Variants in CCSER1 observed in about 807,000 individuals in gnomAD.
CCSER1 encodes serine-rich coiled-coil domain-containing protein 1.
A neutral mutation model predicts 82.0 loss-of-function variants in CCSER1; 41 were observed. The observed-to-expected ratio is 0.50, with a 90% CI of 0.39 to 0.65. CCSER1 has a LOEUF of 0.65. CCSER1 is among the 30% of genes least tolerant of loss of function. The probability of loss-of-function intolerance (pLI) is 0.00; values close to 1 mark genes in which losing one functional copy is unlikely to be tolerated. For missense variants in CCSER1, 1,119 were observed against 1,064.2 expected (o/e 1.05, Z -0.72); for synonymous variants, 414 against 383.9 (o/e 1.08, Z -0.92).
At chr4:90,159,366 A>C (rs1473692047) in intron 1 of CCSER1, among the ~76,000 whole-genome samples, 1 of 152,156 alleles carries the variant, frequency 6.6e-6, no homozygotes, top group African/African-American at 2.4e-5. Context: ...TTTATAAAAA[A>C]ATATATTGCA....
chr4:91,447,670 G>A (rs1455377770), intron 10 of CCSER1, among the ~76,000 whole-genome samples: 1 of 151,946 alleles, frequency 6.6e-6, no homozygotes, highest in Non-Finnish European at 1.5e-5. Context: ...ATGATTGATG[G>A]TCTAATAGTA....
chr4:91,163,332 A>G (rs1212654026), intron 10 of CCSER1, among the ~76,000 whole-genome samples: 1 of 152,326 alleles, frequency 6.6e-6, no homozygotes, highest in East Asian at 1.9e-4. Flanking sequence ...ACATTGGCTG[A>G]GGAGTGCTTT....
chr4:91,412,435 C>T (rs542930444), intron 10 of CCSER1, among the ~76,000 whole-genome samples: 1 of 152,102 alleles, frequency 6.6e-6, no homozygotes, highest in African/African-American at 2.4e-5. Flanking sequence ...CTTCCAGAAA[C>T]CTGGAAGAAG....
At chr4:90,264,155 C>T (rs968310341) in intron 1 of CCSER1, among the ~76,000 whole-genome samples, 1 of 152,154 alleles carries the variant, frequency 6.6e-6, no homozygotes, top group Non-Finnish European at 1.5e-5. Context: ...TCCAAATGTG[C>T]TCTTTATTGC....
intron 9 of CCSER1, among the ~76,000 whole-genome samples, chr4:91,049,729 A>G (rs1742831821): frequency 1.3e-5 from 2 of 152,240 alleles, no homozygotes; most frequent in African/African-American, 4.8e-5. Context: ...AATCATTGCA[A>G]TGAGAAATGC....
At chr4:90,409,764 A>C (rs1227888278) in intron 4 of CCSER1, among the ~76,000 whole-genome samples, 1 of 152,244 alleles carries the variant, frequency 6.6e-6, no homozygotes, top group Non-Finnish European at 1.5e-5. Context: ...TGACAGGATC[A>C]AATTCACACA....
At chr4:90,616,309 T>C (rs182937078) in intron 5 of CCSER1, among the ~76,000 whole-genome samples, 1 of 152,058 alleles carries the variant, frequency 6.6e-6, no homozygotes, top group African/African-American at 2.4e-5. Flanking sequence ...TCTAGGAAAC[T>C]TTTTTTTAAT....
intron 5 of CCSER1, among the ~76,000 whole-genome samples, chr4:90,503,536 A>G (rs1770238871): frequency 6.6e-6 from 1 of 152,094 alleles, no homozygotes; most frequent in African/African-American, 2.4e-5. Flanking sequence ...AACATTAGGT[A>G]TATCTCCTAA....
chr4:91,210,207 A>G (rs1736696985), intron 10 of CCSER1, among the ~76,000 whole-genome samples: 1 of 151,398 alleles, frequency 6.6e-6, no homozygotes, highest in Non-Finnish European at 1.5e-5. Context: ...ATTATAAATT[A>G]TATATCTTCA....
chr4:90,706,458 A>G (rs1041388896), intron 6 of CCSER1, among the ~76,000 whole-genome samples: 2 of 152,288 alleles, frequency 1.3e-5, no homozygotes, highest in East Asian at 3.9e-4. Flanking sequence ...AAGTCAATTA[A>G]TTAATTAAAA....
At chr4:91,355,927 A>G (rs562275683) in intron 10 of CCSER1, among the ~76,000 whole-genome samples, 7 of 152,354 alleles carry the variant, frequency 4.6e-5, no homozygotes, top group African/African-American at 1.4e-4. Context: ...AGGGTGTTGC[A>G]AACTTCAATG....
intron 10 of CCSER1, among the ~76,000 whole-genome samples, chr4:91,506,347 A>G (rs923327641): frequency 6.6e-6 from 1 of 152,022 alleles, no homozygotes; most frequent in East Asian, 1.9e-4. Flanking sequence ...CTTGTATTCT[A>G]GTTTGAAGTC....
At chr4:90,613,427 G>A (rs757276563) in intron 5 of CCSER1, among the ~76,000 whole-genome samples, 1 of 152,166 alleles carries the variant, frequency 6.6e-6, no homozygotes, top group Non-Finnish European at 1.5e-5. Context: ...CAAGAGGTGG[G>A]CATCTCACAA....
rs897626834 is a variant in CCSER1 at position 90,326,103 on chromosome 4, G to T, written c.1509+13056G>T. Among the ~76,000 whole-genome samples the T allele has an allele frequency of 8.4e-5, 11 of 131,046 alleles. No homozygotes were observed. In the Admixed American group the frequency reaches 8.4e-4, roughly 10 times the overall value. 86.0% of individuals were successfully genotyped at this position (131,046 alleles called of 152,430 possible). A position where few individuals can be genotyped will look rare whatever the true frequency, so the allele number is the denominator to read the frequency against. On this transcript the variant is annotated intron_variant, in intron 3 of 10. Coordinates refer to ENST00000509176, the MANE Select transcript of CCSER1 (RefSeq NM_001145065.2). Reference sequence around the variant, plus strand: ...AGACGGAATCTCACTCTTTCACCCAGGCTGGAGTGCAGTGGCGCAATCTCG... The same window carrying T: ...AGACGGAATCTCACTCTTTCACCCATGCTGGAGTGCAGTGGCGCAATCTCG...
At chr4:91,193,988 G>C (rs981908498) in intron 10 of CCSER1, among the ~76,000 whole-genome samples, 2 of 152,114 alleles carry the variant, frequency 1.3e-5, no homozygotes, top group South Asian at 4.2e-4. Context: ...TATTGTTTTT[G>C]AGACGTAGTC....
rs187770490 is a variant in CCSER1, at chr4:90,610,068, A to T, written c.1725-17957A>T. ...GAGATTTGAGACCATCCTGGCTAACACGGTGAAACCCCGTCTCCACTAAAA... is the reference window on the plus strand; with the variant it reads ...GAGATTTGAGACCATCCTGGCTAACTCGGTGAAACCCCGTCTCCACTAAAA... On this transcript the variant is annotated intron_variant, in intron 5 of 10. Coordinates refer to ENST00000509176, the MANE Select transcript of CCSER1 (RefSeq NM_001145065.2). Among the ~76,000 whole-genome samples the T allele has an allele frequency of 5.9e-5, 9 of 152,150 alleles. No individual in the cohort carries two copies. In the East Asian group the frequency reaches 1.5e-3, roughly 26 times the overall value.
chr4:90,520,845 G>T (rs935189862), intron 5 of CCSER1, among the ~76,000 whole-genome samples: 24 of 152,182 alleles, frequency 1.6e-4, no homozygotes, highest in Non-Finnish European at 2.9e-4. Flanking sequence ...CAGGATGGCA[G>T]GAGGATGGCT....
intron 4 of CCSER1, among the ~76,000 whole-genome samples, chr4:90,459,732 A>G (rs956735936): frequency 6.6e-6 from 1 of 152,188 alleles, no homozygotes; most frequent in Non-Finnish European, 1.5e-5. Context: ...TTTTCTATTT[A>G]TTAAAATAAA....
chr4:90,820,378 T>C (rs143397755), intron 8 of CCSER1, among the ~76,000 whole-genome samples: 161 of 152,310 alleles, frequency 1.1e-3, no homozygotes, highest in African/African-American at 3.5e-3. Context: ...TAGAGGCTGC[T>C]AAGTTCAAGA....
Sources: allele counts gnomAD v4.1 joint callset (sites outside exome capture counted in the v4.1 genomes callset), GRCh38; gene constraint gnomAD v4.1.1; transcripts MANE v1.5; gene names NCBI Gene and HGNC (gene_info 2026-07-23, HGNC 2026-07-21).